Variants in EPM2A observed in about 807,000 individuals in gnomAD.
EPM2A encodes EPM2A glucan phosphatase, laforin.
EPM2A carries 21 observed loss-of-function variants against 26.5 expected under a neutral mutation model. The ratio of observed to expected loss-of-function variants is 0.79; its 90% CI spans 0.56 to 1.14. The LOEUF is 1.14. EPM2A is among the 50% of genes most tolerant of loss of function. The pLI is 0.00. For missense variants in EPM2A, 458 were observed against 440.8 expected, an observed-to-expected ratio of 1.04 and a Z score of -0.35; for synonymous variants, 217 against 177.6, an observed-to-expected ratio of 1.22 and a Z score of -1.76.
At chr6:145,449,485 C>A (rs867529345) in intron 4 of EPM2A, among the ~76,000 whole-genome samples, 2 of 152,152 alleles carry the variant, frequency 1.3e-5, no homozygotes, top group Non-Finnish European at 2.9e-5. Flanking sequence ...GTGGTAGCAT[C>A]TTTTACCCCG....
At chr6:145,663,234 G>C (rs557070278) in intron 2 of EPM2A, among the ~76,000 whole-genome samples, 1 of 152,294 alleles carries the variant, frequency 6.6e-6, no homozygotes, top group East Asian at 1.9e-4. Context: ...AATACATTAA[G>C]ATTAATAATA....
At chr6:145,695,582 G>A (rs183284213) in intron 1 of EPM2A, among the ~76,000 whole-genome samples, 53 of 152,056 alleles carry the variant, frequency 3.5e-4, no homozygotes, top group African/African-American at 1.2e-3. Flanking sequence ...CACGTAGATG[G>A]AAAATAAAGG....
chr6:145,595,904 C>T lies in EPM2A; in HGVS notation c.340+39341G>A, dbSNP rs570445530. On this transcript the variant is annotated intron_variant, in intron 2 of 3. Transcript: ENST00000450221. Reference sequence around the variant, plus strand: ...CAACAATAGTGTGCATCCTTGTCAGCATTCTGATGTCAATGGAAACACCCC... The same window carrying T: ...CAACAATAGTGTGCATCCTTGTCAGTATTCTGATGTCAATGGAAACACCCC... Among the ~76,000 whole-genome samples, 11 of 152,194 alleles carry T rather than the reference C, an allele frequency of 7.2e-5. No individual in the cohort carries two copies. The East Asian group carries it at 1.4e-3, about 19-fold the overall frequency.
rs1775869153 is a variant in EPM2A at position 145,627,174 on chromosome 6, G to A, written c.*242C>T. ...TGCACGCATTACCCTTCTGTCTGAT[G>A]TACAGCCTAACTGCTTCGTGCTTCT... is the stretch of plus-strand genomic sequence containing the variant. On this transcript the variant is annotated 3_prime_UTR_variant, in exon 4 of 4. Transcript: ENST00000367519. The A allele has an allele frequency of 3.6e-6, 5 of 1,406,196 alleles. No individual in the cohort carries two copies. In the South Asian group the frequency reaches 6.0e-5, roughly 17 times the overall value. 87.1% of individuals were successfully genotyped at this position (1,406,196 alleles called of 1,614,324 possible).
At chr6:145,643,790 G>A (rs1455725236) in intron 2 of EPM2A, among the ~76,000 whole-genome samples, 1 of 151,772 alleles carries the variant, frequency 6.6e-6, no homozygotes, top group African/African-American at 2.4e-5. Context: ...AGGAATTCCT[G>A]GGATAAAAAG....
intron 2 of EPM2A, among the ~76,000 whole-genome samples, chr6:145,513,909 T>C (rs533949589): frequency 8.5e-5 from 13 of 152,216 alleles, no homozygotes; most frequent in Non-Finnish European, 1.8e-4. Flanking sequence ...AGTTTATTTC[T>C]GTCTCCTGCT....
chr6:145,644,853 C>T (rs1777344814), intron 2 of EPM2A, among the ~76,000 whole-genome samples: 1 of 152,026 alleles, frequency 6.6e-6, no homozygotes, highest in Non-Finnish European at 1.5e-5. Context: ...CCTTAAATTA[C>T]CCAAGGATCC....
chr6:145,574,722 C>T (rs1781006497), intron 2 of EPM2A, among the ~76,000 whole-genome samples: 1 of 152,318 alleles, frequency 6.6e-6, no homozygotes, highest in Non-Finnish European at 1.5e-5. Flanking sequence ...TCACAGTGGG[C>T]ATCTTTTAGT....
intron 2 of EPM2A, among the ~76,000 whole-genome samples, chr6:145,605,999 C>A (rs56282473): frequency 6.6e-6 from 1 of 152,034 alleles, no homozygotes; most frequent in Admixed American, 6.6e-5. Context: ...AATCCTATAG[C>A]ATATTTCTCC....
chr6:145,648,906 T>C (rs772004626), intron 2 of EPM2A, among the ~76,000 whole-genome samples: 2 of 152,230 alleles, frequency 1.3e-5, no homozygotes, highest in Non-Finnish European at 2.9e-5. Flanking sequence ...AAACTGGTCA[T>C]AAAAATCTGA....
At chr6:145,573,734 C>G (rs1780991896) in intron 2 of EPM2A, among the ~76,000 whole-genome samples, 1 of 152,174 alleles carries the variant, frequency 6.6e-6, no homozygotes, top group Non-Finnish European at 1.5e-5. Flanking sequence ...GGGGGTTCTG[C>G]CAGCTGCTAA....
At chr6:145,471,217 A>G (rs1779469193) in intron 4 of EPM2A, among the ~76,000 whole-genome samples, 1 of 152,192 alleles carries the variant, frequency 6.6e-6, no homozygotes, top group Non-Finnish European at 1.5e-5. Flanking sequence ...TGATCAATAT[A>G]TTTAATGATC....
chr6:145,407,094 C>T (rs1181190444), intron 4 of EPM2A, among the ~76,000 whole-genome samples: 1 of 151,770 alleles, frequency 6.6e-6, no homozygotes, highest in East Asian at 2.0e-4. Context: ...AACCCAGGGT[C>T]TTATTTCACT....
At chr6:145,621,252 G>A (rs1346798714), downstream of EPM2A, among the ~76,000 whole-genome samples, 2 of 152,218 alleles carry the variant, frequency 1.3e-5, no homozygotes, top group Admixed American at 6.5e-5. Flanking sequence ...TTTTAACGCT[G>A]TTGTTGCAAA....
intron 2 of EPM2A, among the ~76,000 whole-genome samples, chr6:145,592,836 A>C (rs1781293003): frequency 6.6e-6 from 1 of 152,158 alleles, no homozygotes; most frequent in South Asian, 2.1e-4. Context: ...ACAATGGAAT[A>C]ATAATAATAA....
At chr6:145,465,442 G>C (rs1381940832) in intron 4 of EPM2A, among the ~76,000 whole-genome samples, 2 of 152,064 alleles carry the variant, frequency 1.3e-5, no homozygotes, top group Non-Finnish European at 2.9e-5. Context: ...GGTGTAATTT[G>C]ATTGTCTGAA....
intron 4 of EPM2A, among the ~76,000 whole-genome samples, chr6:145,491,552 A>T (rs907119502): frequency 1.3e-5 from 2 of 152,080 alleles, no homozygotes; most frequent in Admixed American, 1.3e-4. Flanking sequence ...GTCTCTGCCA[A>T]TGGAGCCTGG....
chr6:145,384,262 G>A (rs936299421), intron 4 of EPM2A, among the ~76,000 whole-genome samples: 9 of 152,146 alleles, frequency 5.9e-5, no homozygotes, highest in African/African-American at 2.2e-4. Flanking sequence ...TTACAAAAAC[G>A]TAAACGATAA....
At chr6:145,414,639 G>A (rs1231755891) in intron 4 of EPM2A, among the ~76,000 whole-genome samples, 1 of 152,056 alleles carries the variant, frequency 6.6e-6, no homozygotes, top group African/African-American at 2.4e-5. Context: ...AAGGCAGAGA[G>A]TCCTGTGTTA....
Sources: gnomAD v4.1 joint callset for allele counts (sites outside exome capture counted in the v4.1 genomes callset) on GRCh38, gnomAD v4.1.1 for gene constraint, MANE v1.5 for transcripts, NCBI Gene and HGNC (gene_info 2026-07-23, HGNC 2026-07-21) for gene names.